Variants in PUM2 observed in about 807,000 individuals in gnomAD.
PUM2 encodes the protein pumilio homolog 2.
Under a neutral mutation model 124.5 loss-of-function variants are expected in PUM2, and 57 were observed. The ratio of observed to expected loss-of-function variants is 0.46; its 90% CI spans 0.37 to 0.57. PUM2 has a LOEUF of 0.57. Ranked by LOEUF, PUM2 falls within the 20% of genes least tolerant of loss-of-function variation. PUM2 has a pLI of 0.00. For synonymous variants in PUM2, 460 were observed against 446.1 expected (o/e 1.03, Z -0.39); for missense variants, 1,065 against 1,290.6 (o/e 0.83, Z 2.68).
chr2:20,345,557 G>C (rs904276838), intron 1 of PUM2, among the ~76,000 whole-genome samples: 1 of 152,048 alleles, frequency 6.6e-6, no homozygotes, highest in African/African-American at 2.4e-5. Context: ...AGTGTGGCAC[G>C]ATACATCTGC....
intron 1 of PUM2, among the ~76,000 whole-genome samples, chr2:20,335,978 T>C (rs900350039): frequency 2.0e-5 from 3 of 152,170 alleles, no homozygotes; most frequent in Non-Finnish European, 4.4e-5. Context: ...ACTGACTTAT[T>C]TGGAGAATCA....
rs774043146 is a variant in PUM2, at chr2:20,260,354, T to C, written c.2338A>G (p.Ile780Val). 1 of 1,612,232 alleles carries C rather than the reference T, an allele frequency of 6.2e-7. No individual in the cohort carries two copies. The highest frequency in any genetic ancestry group is 8.5e-7 in the Non-Finnish European group (1 of 1,178,956). ...ATCCTTACCTCAAAAAACTTCTGTA[T>C]AACATAGTTGCCAAAAACATCAGTC... ...LMTDVFGNYV[I>V]QKFFEFGSLD... is the part of the protein sequence containing the mutation. The change falls in exon 15 of 21, where the codon ATA (isoleucine) becomes GTA (valine). Residue 780 changes from isoleucine (I) to valine (V), a missense_variant. Transcript: ENST00000361078.
rs933328672 is a variant in PUM2 at position 20,350,688 on chromosome 2, T to G, written c.-110A>C. 3.0e-6 allele frequency: 3 copies of G among 983,778 alleles called. No individual in the cohort carries two copies. The highest frequency in any genetic ancestry group is 1.2e-4 in the Admixed American group (2 of 16,212). The allele number at this position is 983,778 out of a possible 1,614,324, so 60.9% of individuals were successfully genotyped here. ...TTGGCGGTCCTCCCCCTCCTCCGCC[T>G]TCGGTGGCGGCAATGTCTTCTTTCT... On this transcript the variant is annotated 5_prime_UTR_variant, in exon 1 of 21. Coordinates refer to ENST00000361078, the MANE Select transcript of PUM2 (RefSeq NM_015317.5).
chr2:20,253,990 A>C lies in PUM2; in HGVS notation c.2895T>G (p.Thr965=). The change falls in exon 20 of 21, where the codon ACT becomes ACG. Residue 965 remains threonine, a synonymous_variant. Coordinates refer to ENST00000361078, the MANE Select transcript of PUM2 (RefSeq NM_015317.5). ...FASNVVEKCV[T]HASRAERALL... ...AAGCTCTCTCAGCACGGGAGGCATGAGTAACACACTTTTCTACTACATTGC... is the reference window on the plus strand; with the variant it reads ...AAGCTCTCTCAGCACGGGAGGCATGCGTAACACACTTTTCTACTACATTGC... 1 of 1,611,394 alleles carries C rather than the reference A, an allele frequency of 6.2e-7. No homozygotes were observed. Among genetic ancestry groups the C allele is most frequent in the Non-Finnish European group, 8.5e-7 (1 of 1,179,338 alleles).
chr2:20,253,697 A>C (rs1195529624), intron 20 of PUM2, 125 bp downstream of exon 20: 4 of 881,530 alleles, frequency 4.5e-6, no homozygotes, highest in Non-Finnish European at 6.6e-6. Context: ...CTGCCAAAGG[A>C]TATCCATCGA....
At chr2:20,310,263 G>A (rs1679312390) in intron 5 of PUM2, among the ~76,000 whole-genome samples, 2 of 151,900 alleles carry the variant, frequency 1.3e-5, no homozygotes, top group South Asian at 4.1e-4. Flanking sequence ...AAAACTTAAT[G>A]GAATAAAATT....
At chr2:20,292,409 C>T (rs1455409771) in intron 9 of PUM2, among the ~76,000 whole-genome samples, 1 of 151,878 alleles carries the variant, frequency 6.6e-6, no homozygotes, top group African/African-American at 2.4e-5. Flanking sequence ...ATCACACAGG[C>T]TGGAGTGCAA....
chr2:20,316,084 CA>C (rs1364147878), intron 3 of PUM2, among the ~76,000 whole-genome samples: 1 of 151,916 alleles, frequency 6.6e-6, no homozygotes, highest in Non-Finnish European at 1.5e-5. Flanking sequence ...TTCAGAAAAA[CA>C]AAAATTCCTT....
intron 1 of PUM2, among the ~76,000 whole-genome samples, chr2:20,338,589 T>G (rs1686599036): frequency 6.6e-6 from 1 of 152,148 alleles, no homozygotes; most frequent in Admixed American, 6.5e-5. Context: ...GCCCACTAAA[T>G]TTTAAAACTT....
chr2:20,308,380 A>T lies in PUM2; in HGVS notation c.723T>A (p.Gly241=). 1 of 1,614,000 alleles carries T rather than the reference A, an allele frequency of 6.2e-7. No homozygotes were observed. Among genetic ancestry groups the T allele is most frequent in the Non-Finnish European group, 8.5e-7 (1 of 1,179,866 alleles). ...CTGAAGAGTCCATTGGTACCTGATT[A>T]CCAGGATAGTCAAACTGTAAGGATT... ...GLESLQFDYP[G]NQVPMDSSGA... The change falls in exon 6 of 21, where the codon GGT becomes GGA. Residue 241 remains glycine (G), a synonymous_variant. Coordinates refer to ENST00000361078, the MANE Select transcript of PUM2 (RefSeq NM_015317.5).
chr2:20,294,289 G>T (rs570657725), intron 9 of PUM2, 87 bp downstream of exon 9: 1 of 1,472,322 alleles, frequency 6.8e-7, no homozygotes, highest in Non-Finnish European at 9.2e-7. Context: ...GTGAGGAAAC[G>T]TAAGTCGAAA....
At chr2:20,289,192 C>G (rs905372349) in intron 10 of PUM2, among the ~76,000 whole-genome samples, 2 of 151,914 alleles carry the variant, frequency 1.3e-5, no homozygotes, top group African/African-American at 2.4e-5. Context: ...AGTAATAGGG[C>G]CAGCATCAAG....
intron 7 of PUM2, among the ~76,000 whole-genome samples, chr2:20,304,585 G>A (rs1558598688): frequency 6.6e-6 from 1 of 152,132 alleles, no homozygotes; most frequent in Non-Finnish European, 1.5e-5. Flanking sequence ...TGGAGTGGTC[G>A]TGACCAAACC....
chr2:20,335,807 CA>C (rs1160984226), intron 1 of PUM2, among the ~76,000 whole-genome samples: 1 of 152,224 alleles, frequency 6.6e-6, no homozygotes, highest in East Asian at 1.9e-4. Context: ...CCTATTAGCT[CA>C]AAGCTCAAAT....
chr2:20,254,791 A>G (rs1664365319), intron 19 of PUM2, 72 bp downstream of exon 19: 7 of 1,480,828 alleles, frequency 4.7e-6, no homozygotes, highest in Non-Finnish European at 9.3e-7. Flanking sequence ...TGCTACACGT[A>G]TTTCTGTGAT....
intron 16 of PUM2, among the ~76,000 whole-genome samples, chr2:20,257,055 A>AAAAAAAAAAAAAAAAAAAAAAG (rs1664980758): frequency 1.3e-5 from 1 of 77,506 alleles, no homozygotes; most frequent in Admixed American, 1.3e-4. Flanking sequence ...AAAAAAAAAA[A>AAAAAAAAAAAAAAAAAAAAAAG]AAAAAAAAAA....
chr2:20,337,931 A>G (rs1417558808), intron 1 of PUM2, among the ~76,000 whole-genome samples: 1 of 152,198 alleles, frequency 6.6e-6, no homozygotes, highest in African/African-American at 2.4e-5. Context: ...ATAATCCAGC[A>G]AAGTCAATAC....
chr2:20,264,383 T>A (rs1299676046), intron 13 of PUM2, among the ~76,000 whole-genome samples: 4 of 114,450 alleles, frequency 3.5e-5, no homozygotes, highest in East Asian at 2.6e-4. Context: ...TATATATATA[T>A]ATATATATAT....
At chr2:20,279,440 G>C (rs1346878295) in intron 12 of PUM2, among the ~76,000 whole-genome samples, 1 of 151,920 alleles carries the variant, frequency 6.6e-6, no homozygotes, top group African/African-American at 2.4e-5. Context: ...AAAGTAACTC[G>C]ACTTTTCTAA....
Sources: allele counts gnomAD v4.1 joint callset (sites outside exome capture counted in the v4.1 genomes callset), GRCh38; gene constraint gnomAD v4.1.1; transcripts MANE v1.5; gene names NCBI Gene and HGNC (gene_info 2026-07-23, HGNC 2026-07-21).